VSNL1: variants seen among roughly 807,000 people sequenced by gnomAD.
VSNL1 encodes the protein visinin-like protein 1.
VSNL1 carries 6 observed loss-of-function variants against 20.4 expected under a neutral mutation model. That is an observed-to-expected ratio of 0.29 (90% CI 0.16 to 0.58). The LOEUF is 0.58. Ranked by LOEUF, VSNL1 falls within the 20% of genes least tolerant of loss-of-function variation. VSNL1 has a pLI of 0.90. For synonymous variants in VSNL1, 93 were observed against 86.4 expected, an observed-to-expected ratio of 1.08 and a Z score of -0.42; for missense variants, 100 against 234.5, an observed-to-expected ratio of 0.43 and a Z score of 3.75.
intron 1 of VSNL1, among the ~76,000 whole-genome samples, chr2:17,555,839 A>AT (rs2103343353): frequency 1.3e-5 from 2 of 152,184 alleles, no homozygotes; most frequent in South Asian, 4.2e-4. Context: ...TAACCATAGG[A>AT]TTTTTTCTCA....
In VSNL1 at chr2:17,555,730, C is replaced by G. The variant is rs758766935; in HGVS notation, c.-6+14812C>G. On this transcript the variant is annotated intron_variant, in intron 1 of 3. Transcript: ENST00000295156. ...GTTAAAATAAAGTAAGTAGAAGGCT[C>G]TTGGGTTCCCAGGAGGTAGTGAATG... 2.0e-5 allele frequency among the ~76,000 whole-genome samples: 3 copies of G among 152,064 alleles called. No individual in the cohort carries two copies. The South Asian group carries it at 6.2e-4, about 31-fold the overall frequency.
chr2:17,578,891 C>A (rs562411048), intron 1 of VSNL1, among the ~76,000 whole-genome samples: 1 of 152,312 alleles, frequency 6.6e-6, no homozygotes. Context: ...CCTCTCGTAA[C>A]CTTTGGTAAA....
intron 1 of VSNL1, among the ~76,000 whole-genome samples, chr2:17,577,950 A>G (rs1295692775): frequency 6.6e-6 from 1 of 152,218 alleles, no homozygotes; most frequent in Non-Finnish European, 1.5e-5. Flanking sequence ...GGTAAGCCTC[A>G]TTCACCTCAA....
intron 1 of VSNL1, among the ~76,000 whole-genome samples, chr2:17,589,451 T>TA (rs1424367689): frequency 2.0e-5 from 3 of 152,146 alleles, no homozygotes; most frequent in Non-Finnish European, 4.4e-5. Context: ...TGGAGTCAGG[T>TA]AGCCCAGTGG....
rs555128616 is a variant in VSNL1 at position 17,626,170 on chromosome 2, G to A, written c.163-23240G>A. Among the ~76,000 whole-genome samples, 4 of 152,264 alleles carry A rather than the reference G, an allele frequency of 2.6e-5. No individual in the cohort carries two copies. The South Asian group carries it at 8.3e-4, about 32-fold the overall frequency. ...CTATCTCTGGGCTCCTTGAGGGCTAGCCATGACCCCAATATGCCCCACCTG... is the reference window on the plus strand; with the variant it reads ...CTATCTCTGGGCTCCTTGAGGGCTAACCATGACCCCAATATGCCCCACCTG... On this transcript the variant is annotated intron_variant, in intron 2 of 3. Transcript: ENST00000295156.
At chr2:17,559,109 G>T (rs62131507) in intron 1 of VSNL1, among the ~76,000 whole-genome samples, 4,455 of 152,018 alleles carry the variant, frequency 0.029, 64 homozygotes, top group Middle Eastern at 0.054. Flanking sequence ...GCCACATATC[G>T]GCTTTCTAAC....
chr2:17,651,997 T>C (rs781321597), intron 3 of VSNL1, among the ~76,000 whole-genome samples: 10 of 152,214 alleles, frequency 6.6e-5, no homozygotes, highest in South Asian at 2.1e-4. Context: ...TTAGAGCAGA[T>C]GGAGAGTAGG....
chr2:17,614,019 G>C (rs952914178), intron 2 of VSNL1, among the ~76,000 whole-genome samples: 2 of 152,204 alleles, frequency 1.3e-5, no homozygotes, highest in South Asian at 4.1e-4. Context: ...CTGGAAACAC[G>C]CATGGGGAGG....
At chr2:17,594,532 G>GA (rs1184431424) in intron 2 of VSNL1, among the ~76,000 whole-genome samples, 2 of 152,154 alleles carry the variant, frequency 1.3e-5, no homozygotes, top group Admixed American at 6.6e-5. Context: ...AATGTTTCTG[G>GA]AAAAAAATGC....
At chr2:17,575,622 G>A (rs1664191888) in intron 1 of VSNL1, among the ~76,000 whole-genome samples, 2 of 151,664 alleles carry the variant, frequency 1.3e-5, no homozygotes, top group South Asian at 2.1e-4. Flanking sequence ...TGCAACCTCC[G>A]CCTCCCAGGT....
chr2:17,576,583 C>T (rs1664220067), intron 1 of VSNL1, among the ~76,000 whole-genome samples: 1 of 152,170 alleles, frequency 6.6e-6, no homozygotes, highest in Admixed American at 6.5e-5. Flanking sequence ...ATTGCTCAGC[C>T]TGCCAGCATA....
At chr2:17,653,017 A>T (rs537174207) in intron 3 of VSNL1, among the ~76,000 whole-genome samples, 18 of 152,334 alleles carry the variant, frequency 1.2e-4, no homozygotes, top group Middle Eastern at 3.4e-3. Context: ...TGTCAGTTGT[A>T]AAGTCTGAAA....
chr2:17,613,512 A>G (rs766902400), intron 2 of VSNL1, among the ~76,000 whole-genome samples: 11 of 152,320 alleles, frequency 7.2e-5, no homozygotes, highest in Admixed American at 2.0e-4. Context: ...ATGCATCCTC[A>G]TAACAGATGT....
rs79992476 is a variant in VSNL1, at chr2:17,649,332, T to G, written c.163-78T>G. On this transcript the variant is annotated intron_variant, in intron 2 of 3. Coordinates refer to ENST00000295156, the MANE Select transcript of VSNL1 (RefSeq NM_003385.5). This position sits in a 1 kb window ranked among gnomAD's most constrained non-coding sequence, Gnocchi z 6.4. ...CGACAACGCCCAGGAGCACCTGTGA[T>G]GCCGTCATTAGGAACCTACCTCGTC... is the stretch of plus-strand genomic sequence containing the variant. 0.059 allele frequency: 84,156 copies of G among 1,415,972 alleles called. 2,705 individuals are homozygous for G. Among genetic ancestry groups the G allele is most frequent in the Middle Eastern group, 0.081 (446 of 5,488 alleles). The allele number at this position is 1,415,972 out of a possible 1,614,324, so 87.7% of individuals were successfully genotyped here.
At chr2:17,594,596 T>C (rs1215876725) in intron 2 of VSNL1, among the ~76,000 whole-genome samples, 1 of 152,208 alleles carries the variant, frequency 6.6e-6, no homozygotes, top group Non-Finnish European at 1.5e-5. Flanking sequence ...ATTCAGTGAT[T>C]CCTTCTATCT....
intron 1 of VSNL1, among the ~76,000 whole-genome samples, chr2:17,563,252 A>C (rs1349850558): frequency 6.6e-6 from 1 of 152,232 alleles, no homozygotes; most frequent in Non-Finnish European, 1.5e-5. Flanking sequence ...CAGGGTTATA[A>C]AATTATCTCC....
intron 2 of VSNL1, among the ~76,000 whole-genome samples, chr2:17,637,098 C>A (rs1468991967): frequency 3.3e-5 from 5 of 152,162 alleles, no homozygotes; most frequent in Admixed American, 6.5e-5. Flanking sequence ...TTCCTTCCGG[C>A]CCCTCTTGCC....
chr2:17,632,012 A>G (rs2710683), intron 2 of VSNL1, among the ~76,000 whole-genome samples: 112,198 of 151,920 alleles, frequency 0.74, 43,129 homozygotes, highest in Middle Eastern at 0.92. Context: ...TCAGCCTCCC[A>G]CGTAGCTGGG....
intron 2 of VSNL1, among the ~76,000 whole-genome samples, chr2:17,648,174 TG>T (rs1666039632): frequency 6.6e-6 from 1 of 152,224 alleles, no homozygotes; most frequent in Non-Finnish European, 1.5e-5. Context: ...TTCCTTCTCC[TG>T]GAATGCTTGG....
Sources: allele counts gnomAD v4.1 joint callset (sites outside exome capture counted in the v4.1 genomes callset), GRCh38; gene constraint gnomAD v4.1.1; non-coding constraint Gnocchi (gnomAD v3.1); transcripts MANE v1.5; gene names NCBI Gene and HGNC (gene_info 2026-07-23, HGNC 2026-07-21).